Variants in LRRC4C observed in about 807,000 individuals in gnomAD.
The protein encoded by LRRC4C is leucine-rich repeat-containing protein 4C.
A neutral mutation model predicts 33.6 loss-of-function variants in LRRC4C; 5 were observed. The observed-to-expected ratio is 0.15, with a 90% CI of 0.08 to 0.31. LRRC4C has a LOEUF of 0.31. LRRC4C is among the 10% of genes least tolerant of loss of function. The pLI is 1.00. For missense variants in LRRC4C, 560 were observed against 796.7 expected, an observed-to-expected ratio of 0.70 and a Z score of 3.58; for synonymous variants, 329 against 302.0, an observed-to-expected ratio of 1.09 and a Z score of -0.93.
intron 5 of LRRC4C, among the ~76,000 whole-genome samples, chr11:40,150,510 G>A (rs565101796): frequency 2.0e-5 from 3 of 152,160 alleles, no homozygotes; most frequent in Middle Eastern, 3.2e-3. Flanking sequence ...GCTACATTGC[G>A]GTAGCATGAT....
intron 3 of LRRC4C, among the ~76,000 whole-genome samples, chr11:40,634,601 G>A (rs890712874): frequency 3.3e-4 from 50 of 152,216 alleles, no homozygotes; most frequent in African/African-American, 7.9e-4. Context: ...TGGGGACCGT[G>A]TCTCACACCT....
intron 2 of LRRC4C, among the ~76,000 whole-genome samples, chr11:40,692,712 C>A (rs1945279031): frequency 6.6e-6 from 1 of 151,912 alleles, no homozygotes; most frequent in African/African-American, 2.4e-5. Context: ...GTCTATTGTA[C>A]CAAATTACCT....
At chr11:40,472,237 C>T (rs1481929220) in intron 3 of LRRC4C, among the ~76,000 whole-genome samples, 4 of 151,494 alleles carry the variant, frequency 2.6e-5, no homozygotes, top group Non-Finnish European at 4.4e-5. Context: ...CCGAGATTGT[C>T]CCACTGCACT....
At chr11:41,417,826 A>T (rs950434982) in intron 1 of LRRC4C, among the ~76,000 whole-genome samples, 3 of 151,748 alleles carry the variant, frequency 2.0e-5, no homozygotes, top group Non-Finnish European at 4.4e-5. Flanking sequence ...CACTATACAT[A>T]TTATGCTTTA....
intron 3 of LRRC4C, among the ~76,000 whole-genome samples, chr11:40,563,658 A>G (rs564165739): frequency 6.6e-6 from 1 of 152,180 alleles, no homozygotes; most frequent in Non-Finnish European, 1.5e-5. Flanking sequence ...AGATGTGTAC[A>G]TTCTCGAGCC....
chr11:40,905,273 A>C (rs1235441501), intron 2 of LRRC4C, among the ~76,000 whole-genome samples: 1 of 152,076 alleles, frequency 6.6e-6, no homozygotes, highest in Non-Finnish European at 1.5e-5. Context: ...TTCTAGACAA[A>C]ATAAAAAGAG....
intron 1 of LRRC4C, among the ~76,000 whole-genome samples, chr11:41,046,497 T>G (rs1471219001): frequency 6.6e-6 from 1 of 152,150 alleles, no homozygotes; most frequent in African/African-American, 2.4e-5. Context: ...GGAAAAGAGA[T>G]TAAAGACATC....
At chr11:41,406,516 T>C (rs1370084211) in intron 1 of LRRC4C, among the ~76,000 whole-genome samples, 1 of 152,102 alleles carries the variant, frequency 6.6e-6, no homozygotes, top group African/African-American at 2.4e-5. Flanking sequence ...TCTCTGTACT[T>C]ACGCAATGTA....
At chr11:41,054,559 G>A (rs1858479208) in intron 1 of LRRC4C, among the ~76,000 whole-genome samples, 1 of 152,158 alleles carries the variant, frequency 6.6e-6, no homozygotes, top group African/African-American at 2.4e-5. Flanking sequence ...AGCAACATAA[G>A]TACTTTGAAG....
At chr11:40,770,674 T>A (rs964166560) in intron 2 of LRRC4C, among the ~76,000 whole-genome samples, 5 of 152,198 alleles carry the variant, frequency 3.3e-5, no homozygotes, top group Non-Finnish European at 5.9e-5. Flanking sequence ...AATTTCAAGA[T>A]ATAATGAGGG....
chr11:41,445,870 G>GTGTGTGTGTC (rs1555172942), intron 1 of LRRC4C, among the ~76,000 whole-genome samples: 1 of 151,416 alleles, frequency 6.6e-6, no homozygotes, highest in Non-Finnish European at 1.5e-5. Context: ...GACTGCATGT[G>GTGTGTGTGTC]TGTGTGTGTG....
At chr11:40,924,122 GTA>G (rs1555003536) in intron 2 of LRRC4C, among the ~76,000 whole-genome samples, 69 of 145,236 alleles carry the variant, frequency 4.8e-4, no homozygotes, top group East Asian at 1.0e-3. Context: ...GTGTGTGTGT[GTA>G]TATATATATA....
chr11:41,133,236 C>G (rs1943096366), intron 1 of LRRC4C, among the ~76,000 whole-genome samples: 1 of 152,168 alleles, frequency 6.6e-6, no homozygotes. Context: ...GGCTAATATA[C>G]CCTCTGGGCG....
intron 2 of LRRC4C, among the ~76,000 whole-genome samples, chr11:40,796,945 C>T (rs1043793875): frequency 6.6e-6 from 1 of 152,076 alleles, no homozygotes; most frequent in Non-Finnish European, 1.5e-5. Flanking sequence ...CACGCCTAAG[C>T]CATAAGCAGG....
chr11:40,318,417 T>C (rs1945680320), intron 4 of LRRC4C, among the ~76,000 whole-genome samples: 1 of 152,080 alleles, frequency 6.6e-6, no homozygotes, highest in African/African-American at 2.4e-5. Flanking sequence ...AACACAAATA[T>C]GAAAGGAGCA....
chr11:41,231,515 G>A (rs1190352699), intron 1 of LRRC4C, among the ~76,000 whole-genome samples: 3 of 148,024 alleles, frequency 2.0e-5, no homozygotes, highest in Non-Finnish European at 3.0e-5. Context: ...CTATCGCAAG[G>A]ACAAAAAACC....
chr11:40,486,324 G>T (rs1953863791), intron 3 of LRRC4C, among the ~76,000 whole-genome samples: 1 of 151,846 alleles, frequency 6.6e-6, no homozygotes, highest in African/African-American at 2.4e-5. Flanking sequence ...AGGGGAAAAA[G>T]TTAAAACATT....
rs555367402 is a variant in LRRC4C, at chr11:40,842,825, C to T, written c.-407+90810G>A. On this transcript the variant is annotated intron_variant, in intron 2 of 6. Coordinates refer to ENST00000528697, the MANE Select transcript of LRRC4C (RefSeq NM_001258419.2). ...ACCTGGTAAATTGTCAGAAATCCACCATCTTGTGTCCCACCTAAACAACTG... is the reference window on the plus strand; with the variant it reads ...ACCTGGTAAATTGTCAGAAATCCACTATCTTGTGTCCCACCTAAACAACTG... Among the ~76,000 whole-genome samples, 3 of 152,240 alleles carry T rather than the reference C, an allele frequency of 2.0e-5. No individual in the cohort carries two copies. The South Asian group carries it at 6.2e-4, about 32-fold the overall frequency.
intron 1 of LRRC4C, among the ~76,000 whole-genome samples, chr11:41,346,000 A>G (rs1298016243): frequency 6.6e-6 from 1 of 152,178 alleles, no homozygotes; most frequent in Non-Finnish European, 1.5e-5. Flanking sequence ...GGGGTGACAA[A>G]CTAAGTATTC....
Sources: allele counts gnomAD v4.1 joint callset (sites outside exome capture counted in the v4.1 genomes callset), GRCh38; gene constraint gnomAD v4.1.1; transcripts MANE v1.5; gene names NCBI Gene and HGNC (gene_info 2026-07-23, HGNC 2026-07-21).